Variants in DPYS observed in about 807,000 individuals in gnomAD.
DPYS encodes dihydropyrimidine amidohydrolase.
In DPYS, 39 loss-of-function variants were observed where a neutral mutation model predicts 50.3. The ratio of observed to expected loss-of-function variants is 0.78; its 90% CI spans 0.60 to 1.01. DPYS has a LOEUF of 1.01. Among genes scored for constraint, DPYS ranks in the 50% least tolerant of loss-of-function variants. The pLI, the probability that DPYS is intolerant of heterozygous loss-of-function variation, is 0.00. For missense variants in DPYS, 659 were observed against 680.9 expected, an observed-to-expected ratio of 0.97 and a Z score of 0.36; for synonymous variants, 245 against 250.7, an observed-to-expected ratio of 0.98 and a Z score of 0.22.
chr8:104,451,695 C>A (rs1813749456), intron 1 of DPYS, among the ~76,000 whole-genome samples: 1 of 152,030 alleles, frequency 6.6e-6, no homozygotes. Context: ...AAAGAAAAAT[C>A]AAAATGGAAA....
At chr8:104,458,999 G>C (rs1194045075) in intron 1 of DPYS, among the ~76,000 whole-genome samples, 1 of 152,224 alleles carries the variant, frequency 6.6e-6, no homozygotes, top group Non-Finnish European at 1.5e-5. Context: ...TCTTTTCTGT[G>C]TGAAAAGATC....
At chr8:104,455,795 T>C (rs1363153941) in intron 1 of DPYS, among the ~76,000 whole-genome samples, 1 of 152,156 alleles carries the variant, frequency 6.6e-6, no homozygotes, top group African/African-American at 2.4e-5. Context: ...ACAAAATGTT[T>C]ACAGTGGCTG....
At position 104,381,299 on chromosome 8, in the gene DPYS, G is replaced by T; in HGVS notation, c.1459C>A (p.Pro487Thr). 1.2e-6 allele frequency: 2 copies of T among 1,613,988 alleles called. No individual in the cohort carries two copies. Among genetic ancestry groups the T allele is most frequent in the Non-Finnish European group, 1.7e-6 (2 of 1,179,902 alleles). Residue 487 changes from proline to threonine, a missense_variant, in exon 9 of 10, where the codon CCT becomes ACT. Coordinates refer to ENST00000351513, the MANE Select transcript of DPYS (RefSeq NM_001385.3). ...KQRDRTCTPT[P>T]VERAPYKGEV... ...CCCTTATAGGGTGCACGCTCCACAG[G>T]GGTAGGTGTGCAAGTCTGAAAGAGA...
At chr8:104,448,058 G>A (rs1813600539) in intron 2 of DPYS, among the ~76,000 whole-genome samples, 1 of 152,354 alleles carries the variant, frequency 6.6e-6, no homozygotes, top group East Asian at 1.9e-4. Context: ...GGAGGTGACA[G>A]CTGGAGACTC....
intron 4 of DPYS, among the ~76,000 whole-genome samples, chr8:104,432,855 A>G (rs1200376536): frequency 6.6e-6 from 1 of 152,212 alleles, no homozygotes; most frequent in Non-Finnish European, 1.5e-5. Flanking sequence ...CCCTGGAGAC[A>G]TTTCATGTTA....
intron 3 of DPYS, 67 bp from the exon 4 acceptor site, chr8:104,444,504 A>G (rs2140706981): frequency 1.3e-6 from 2 of 1,567,894 alleles, no homozygotes; most frequent in East Asian, 2.3e-5. Context: ...TCATTATTTT[A>G]TCATAAATTA....
At position 104,451,318 on chromosome 8, in the gene DPYS, C is replaced by T; in HGVS notation, c.351G>A (p.Trp117Ter). ...GGSLIEAFET[W>*]RSWADPKVCC... ...AAACTTTGGGATCAGCCCAGCTTCG[C>T]CAGGTCTCGAAGGCCTCAATGAGGG... Residue 117 changes from tryptophan to a stop codon, truncating the protein, a stop_gained, in exon 2 of 10, where the codon TGG becomes TGA. Transcript: ENST00000351513. LOFTEE classifies it high-confidence loss of function. 1 of 1,614,160 alleles carries T rather than the reference C, an allele frequency of 6.2e-7. No homozygotes were observed.
intron 4 of DPYS, among the ~76,000 whole-genome samples, chr8:104,440,876 C>G (rs1282398859): frequency 6.6e-6 from 1 of 152,146 alleles, no homozygotes; most frequent in Non-Finnish European, 1.5e-5. Flanking sequence ...TTACATCTAT[C>G]TTGCTCTTTT....
chr8:104,451,734 G>A (rs1219130481), intron 1 of DPYS, among the ~76,000 whole-genome samples: 2 of 152,148 alleles, frequency 1.3e-5, no homozygotes, highest in Admixed American at 1.3e-4. Context: ...ATTTTTTCTT[G>A]AGAAGTGATA....
intron 2 of DPYS, among the ~76,000 whole-genome samples, chr8:104,450,806 T>C (rs889969349): frequency 1.3e-5 from 2 of 152,226 alleles, no homozygotes; most frequent in Non-Finnish European, 2.9e-5. Flanking sequence ...CTTCTAGTTC[T>C]AGAGAATTCT....
chr8:104,420,799 C>G (rs1052230790), intron 7 of DPYS: 8 of 151,354 alleles, frequency 5.3e-5, no homozygotes, highest in Admixed American at 4.6e-4. Flanking sequence ...CCCCATGGTT[C>G]ATCTGCCTTC....
At chr8:104,394,775 A>T (rs2853155) in intron 7 of DPYS, among the ~76,000 whole-genome samples, 99,432 of 147,462 alleles carry the variant, frequency 0.67, 35,116 homozygotes, top group Middle Eastern at 0.82. Context: ...TAAAAAATAA[A>T]CTGCTCTCAG....
chr8:104,392,974 G>T lies in DPYS; in HGVS notation c.1253C>A (p.Thr418Asn), dbSNP rs1401252393. 6.2e-7 allele frequency: 1 copy of T among 1,613,920 alleles called. No individual in the cohort carries two copies. The highest frequency in any genetic ancestry group is 8.5e-7 in the Non-Finnish European group (1 of 1,179,952). ...PKGTRTISAKTHHQAVNFNIF... is the reference protein window; with the variant it reads ...PKGTRTISAKNHHQAVNFNIF... ...GTTGAAGTTAACAGCCTGATGATGA[G>T]TTTTTGCTGAGATAGTCCTATATTT... Residue 418 changes from threonine to asparagine, a missense_variant, in exon 8 of 10, where the codon ACT (threonine) becomes AAT (asparagine). Transcript: ENST00000351513.
At chr8:104,393,489 A>G (rs1341712535) in intron 7 of DPYS, among the ~76,000 whole-genome samples, 1 of 152,166 alleles carries the variant, frequency 6.6e-6, no homozygotes. Flanking sequence ...GTAGTTATCA[A>G]ATTGGACTTG....
chr8:104,460,765 GT>G (rs907994696), intron 1 of DPYS, among the ~76,000 whole-genome samples: 4 of 152,190 alleles, frequency 2.6e-5, no homozygotes, highest in Admixed American at 2.0e-4. Flanking sequence ...TAATCTTTGA[GT>G]TTTTTTGTGC....
intron 8 of DPYS, among the ~76,000 whole-genome samples, chr8:104,391,016 C>A (rs2140516620): frequency 6.6e-6 from 1 of 152,242 alleles, no homozygotes; most frequent in East Asian, 1.9e-4. Context: ...TAAACTAACT[C>A]CCCAGAAATA....
intron 7 of DPYS, among the ~76,000 whole-genome samples, chr8:104,399,519 C>T (rs952101734): frequency 1.3e-5 from 2 of 151,902 alleles, no homozygotes; most frequent in African/African-American, 2.4e-5. Flanking sequence ...TGGTTTGGCC[C>T]CTTGACATCC....
At chr8:104,449,698 A>T (rs751121885) in intron 2 of DPYS, among the ~76,000 whole-genome samples, 5 of 152,234 alleles carry the variant, frequency 3.3e-5, no homozygotes, top group Non-Finnish European at 7.3e-5. Flanking sequence ...CGGGGAGAAC[A>T]TCATATGAAG....
At chr8:104,450,642 G>A (rs1813706166) in intron 2 of DPYS, among the ~76,000 whole-genome samples, 1 of 152,174 alleles carries the variant, frequency 6.6e-6, no homozygotes. Flanking sequence ...ATGGAAGGTT[G>A]TTTTAAGCTC....
Sources: gnomAD v4.1 joint callset for allele counts (sites outside exome capture counted in the v4.1 genomes callset) on GRCh38, gnomAD v4.1.1 for gene constraint, MANE v1.5 for transcripts, NCBI Gene and HGNC (gene_info 2026-07-23, HGNC 2026-07-21) for gene names.